The following ATP2B2 variants were observed in gnomAD, a reference collection of about 807,000 sequenced individuals.
ATP2B2 encodes plasma membrane calcium-transporting ATPase 2.
ATP2B2 carries 15 observed loss-of-function variants against 120.0 expected under a neutral mutation model. The ratio of observed to expected loss-of-function variants is 0.12; its 90% CI spans 0.08 to 0.19. The LOEUF is 0.19. Among genes scored for constraint, ATP2B2 ranks in the 10% least tolerant of loss-of-function variants. The pLI is 1.00. For synonymous variants in ATP2B2, 694 were observed against 700.3 expected, an observed-to-expected ratio of 0.99 and a Z score of 0.14; for missense variants, 1,045 against 1,719.8, an observed-to-expected ratio of 0.61 and a Z score of 6.94.
At position 10,375,707 on chromosome 3, in the gene ATP2B2, C is replaced by A. The variant is rs1450709684; in HGVS notation, c.1202-63G>T. ...AAGTGGAGGCTGGGGGTGGTGTGGACCAAATCTTTGGCTGAAAGAGCTCCG... is the reference window on the plus strand; with the variant it reads ...AAGTGGAGGCTGGGGGTGGTGTGGAACAAATCTTTGGCTGAAAGAGCTCCG... On this transcript the variant is annotated intron_variant, in intron 10 of 22. Coordinates refer to ENST00000360273, the MANE Select transcript of ATP2B2 (RefSeq NM_001001331.4). This position sits in a 1 kb window ranked among gnomAD's most constrained non-coding sequence, Gnocchi z 4.2. 4 of 1,497,630 alleles carry A rather than the reference C, an allele frequency of 2.7e-6. No homozygotes were observed. The African/African-American group carries it at 4.1e-5, about 16-fold the overall frequency. The allele number at this position is 1,497,630 out of a possible 1,614,324, so 92.8% of individuals were successfully genotyped here. A position where few individuals can be genotyped will look rare whatever the true frequency, so the allele number is the denominator to read the frequency against.
chr3:10,385,236 C>A (rs1317901022), intron 8 of ATP2B2, 32 bp downstream of exon 8: 1 of 1,610,460 alleles, frequency 6.2e-7, no homozygotes, highest in Non-Finnish European at 8.5e-7. Context: ...GCCCATCCAA[C>A]CATGACCAGG....
chr3:10,655,451 G>A (rs929418742), intron 1 of ATP2B2, among the ~76,000 whole-genome samples: 1 of 98,460 alleles, frequency 1.0e-5, no homozygotes, highest in African/African-American at 9.2e-5. Flanking sequence ...TTCCCTGGGT[G>A]CTTCAGAAGA....
intron 2 of ATP2B2, among the ~76,000 whole-genome samples, chr3:10,577,478 C>T (rs1010651013): frequency 2.0e-5 from 3 of 152,192 alleles, no homozygotes; most frequent in African/African-American, 7.2e-5. Context: ...TCCCCAAGGC[C>T]ATCAGGGGAT....
At chr3:10,653,149 G>T (rs1052976581) in intron 1 of ATP2B2, among the ~76,000 whole-genome samples, 2 of 152,124 alleles carry the variant, frequency 1.3e-5, no homozygotes, top group Non-Finnish European at 1.5e-5. Context: ...AATTTAAAGG[G>T]AAGAGTTCTC....
chr3:10,346,042 C>T lies in ATP2B2; in HGVS notation c.2500G>A (p.Gly834Ser), dbSNP rs773964391. 2.5e-6 allele frequency: 4 copies of T among 1,611,776 alleles called. No homozygotes were observed. The South Asian group carries it at 4.4e-5, about 18-fold the overall frequency. ...DGPALKKADV[G>S]FAMGIAGTDV... ...TGGGCCGTTCCTACCATGGCGAAGC[C>T]CACGTCGGCCTTCTTGAGTGCAGGC... is the stretch of plus-strand genomic sequence containing the variant. The change falls in exon 17 of 23, where the codon GGC (glycine) becomes AGC (serine). Residue 834 changes from glycine (G) to serine (S), a missense_variant. Physicochemically the swap from Gly to Ser is moderately conservative, Grantham distance 56 (BLOSUM62 0). Around this residue, in one of 11 missense-constraint regions of ATP2B2, gnomAD observed 98 missense variants for 266.7 expected, o/e 0.37. Transcript: ENST00000360273. This position sits in a 1 kb window ranked among gnomAD's most constrained non-coding sequence, Gnocchi z 4.1.
chr3:10,367,904 A>C lies in ATP2B2; in HGVS notation c.1659+3905T>G, dbSNP rs190339358. Among the ~76,000 whole-genome samples, 12 of 152,332 alleles carry C rather than the reference A, an allele frequency of 7.9e-5. No individual in the cohort carries two copies. In the East Asian group the frequency reaches 2.3e-3, roughly 29 times the overall value. On this transcript the variant is annotated intron_variant, in intron 12 of 22. Transcript: ENST00000360273. ...TGATATGCTCACTTTATAGACTGAA[A>C]AACAGAGGCTCAGAGAGGTTAAGTA...
chr3:10,549,810 A>T (rs1425510145), intron 2 of ATP2B2, among the ~76,000 whole-genome samples: 2 of 152,138 alleles, frequency 1.3e-5, no homozygotes, highest in African/African-American at 4.8e-5. Flanking sequence ...TCCAGGGAAG[A>T]TAGAAAAGTG....
chr3:10,619,090 G>C (rs1407261111), intron 2 of ATP2B2, among the ~76,000 whole-genome samples: 2 of 152,154 alleles, frequency 1.3e-5, no homozygotes, highest in African/African-American at 4.8e-5. Context: ...TGCCACCCAG[G>C]AGCCACTGGC....
intron 14 of ATP2B2, among the ~76,000 whole-genome samples, chr3:10,356,187 T>G (rs1240417185): frequency 2.0e-5 from 3 of 146,618 alleles, no homozygotes; most frequent in Non-Finnish European, 4.5e-5. Context: ...TGTGTGTGTG[T>G]GGCAACCAGG....
intron 1 of ATP2B2, among the ~76,000 whole-genome samples, chr3:10,471,511 A>T (rs1046145193): frequency 6.6e-5 from 10 of 151,892 alleles, no homozygotes; most frequent in Non-Finnish European, 1.5e-4. Flanking sequence ...GAGGAGGGGA[A>T]AGAGAAAGGA....
chr3:10,706,839 AT>A (rs968223570), intron 1 of ATP2B2, among the ~76,000 whole-genome samples: 6 of 152,100 alleles, frequency 3.9e-5, no homozygotes, highest in Non-Finnish European at 8.8e-5. Flanking sequence ...CAGAGCCCAA[AT>A]CCCTCAGATG....
chr3:10,338,403 A>T (rs368904583), intron 21 of ATP2B2, 45 bp from the exon 22 acceptor site: 67 of 1,610,146 alleles, frequency 4.2e-5, no homozygotes, highest in Non-Finnish European at 5.2e-5. Context: ...TGTCCTTCCC[A>T]GTGGCCTTCT....
chr3:10,379,106 C>A, intron 9 of ATP2B2, 137 bp downstream of exon 9: 1 of 1,061,408 alleles, frequency 9.4e-7, no homozygotes, highest in Admixed American at 2.0e-5. Context: ...CAGCTACACC[C>A]CCAAGGTCGT....
chr3:10,471,363 CCTGTGTGT>C (rs1259582401), intron 1 of ATP2B2, among the ~76,000 whole-genome samples: 4 of 81,754 alleles, frequency 4.9e-5, no homozygotes, highest in African/African-American at 1.0e-4. Context: ...GTTCAGGAAA[CCTGTGTGT>C]GTGTGTGTGT....
At chr3:10,549,216 T>C (rs2067614364) in intron 2 of ATP2B2, among the ~76,000 whole-genome samples, 1 of 152,186 alleles carries the variant, frequency 6.6e-6, no homozygotes, top group Admixed American at 6.5e-5. Flanking sequence ...CTAGCATCAC[T>C]AGGTAAGGTC....
chr3:10,541,042 A>G (rs2125495191), intron 2 of ATP2B2, among the ~76,000 whole-genome samples: 1 of 152,190 alleles, frequency 6.6e-6, no homozygotes, highest in African/African-American at 2.4e-5. Flanking sequence ...TGTTAAATTT[A>G]TATGTGCAGA....
intron 5 of ATP2B2, among the ~76,000 whole-genome samples, chr3:10,395,883 C>T (rs1440196509): frequency 6.6e-6 from 1 of 152,214 alleles, no homozygotes; most frequent in African/African-American, 2.4e-5. Flanking sequence ...CCTGTGCTCT[C>T]CCTACCTGGC....
At chr3:10,590,869 AAGGCTC>A (rs2068628103) in intron 2 of ATP2B2, among the ~76,000 whole-genome samples, 1 of 152,110 alleles carries the variant, frequency 6.6e-6, no homozygotes, top group African/African-American at 2.4e-5. Context: ...CCACTGACAC[AAGGCTC>A]AGCTCCTGGG....
At chr3:10,391,691 G>A (rs539741369) in intron 5 of ATP2B2, among the ~76,000 whole-genome samples, 3 of 152,102 alleles carry the variant, frequency 2.0e-5, no homozygotes, top group African/African-American at 4.8e-5. Context: ...CAGGGGAGAC[G>A]GGGCATCTAC....
Sources: gnomAD v4.1 joint callset for allele counts (sites outside exome capture counted in the v4.1 genomes callset) on GRCh38, gnomAD v4.1.1 for gene constraint, gnomAD v4.1.1 regional missense constraint, Gnocchi (gnomAD v3.1) non-coding constraint, MANE v1.5 for transcripts, NCBI Gene and HGNC (gene_info 2026-07-23, HGNC 2026-07-21) for gene names.